Variants in DUT observed in about 807,000 individuals in gnomAD.
DUT encodes deoxyuridine triphosphatase.
A neutral mutation model predicts 28.8 loss-of-function variants in DUT; 21 were observed. The observed-to-expected ratio is 0.73, with a 90% CI of 0.52 to 1.05. The LOEUF (loss-of-function observed/expected upper bound fraction) is 1.05, where lower values mean the gene tolerates loss of function less well. DUT is among the 50% of genes least tolerant of loss of function. The probability of loss-of-function intolerance (pLI) is 0.00; values close to 1 mark genes in which losing one functional copy is unlikely to be tolerated. For synonymous variants in DUT, 147 were observed against 143.7 expected, an observed-to-expected ratio of 1.02 and a Z score of -0.17; for missense variants, 344 against 351.8, an observed-to-expected ratio of 0.98 and a Z score of 0.18.
rs2042412628 is a variant in DUT, at chr15:48,331,717, C to G, written c.202C>G (p.Arg68Gly). The change falls in exon 1 of 7, where the codon CGC becomes GGC. Residue 68 changes from arginine (R) to glycine (G), a missense_variant. Physicochemically the swap from Arg to Gly is moderately radical, Grantham distance 125. Coordinates refer to ENST00000331200, the MANE Select transcript of DUT (RefSeq NM_001025248.2). ...SSAGRLSQGC[R>G]GASTVGAAGW... ...CGCTGGCCGCCTGAGCCAAGGCTGC[C>G]GCGGAGCCAGTACAGTCGGGGCCGC... The G allele has an allele frequency of 6.6e-7, 1 of 1,506,514 alleles. No homozygotes were observed. The highest frequency in any genetic ancestry group is 2.6e-5 in the East Asian group (1 of 37,972). The allele number at this position is 1,506,514 out of a possible 1,614,324, so 93.3% of individuals were successfully genotyped here.
At chr15:48,334,352 CAAAG>C (rs755436547) in intron 2 of DUT, 61 bp from the exon 3 acceptor site, 161 of 1,151,264 alleles carry the variant, frequency 1.4e-4, no homozygotes, top group Non-Finnish European at 1.8e-4. Flanking sequence ...TGCTTGGTCA[CAAAG>C]AAAATATAAA....
intron 2 of DUT, among the ~76,000 whole-genome samples, chr15:48,333,272 G>GA (rs1418369818): frequency 1.3e-5 from 2 of 151,160 alleles, no homozygotes; most frequent in African/African-American, 2.4e-5. Flanking sequence ...GATAGCAACA[G>GA]AAAAAAAAGG....
intron 3 of DUT, 97 bp downstream of exon 3, chr15:48,334,605 G>A (rs2042455122): frequency 1.2e-6 from 1 of 833,280 alleles, no homozygotes; most frequent in Non-Finnish European, 1.9e-6. Flanking sequence ...AATATTGCTT[G>A]GGCTGTGTCC....
chr15:48,336,264 C>A (rs2042474301), intron 4 of DUT, among the ~76,000 whole-genome samples, 174 bp downstream of exon 4: 2 of 152,056 alleles, frequency 1.3e-5, no homozygotes. Context: ...TTTTGTTTAA[C>A]TACTAACTTA....
In DUT at chr15:48,331,807, G is replaced by C. The variant is rs2061631396; in HGVS notation, c.280+12G>C. The C allele has an allele frequency of 7.3e-6, 10 of 1,364,714 alleles. No individual in the cohort carries two copies. In the South Asian group the frequency reaches 1.2e-4, roughly 17 times the overall value. The allele number at this position is 1,364,714 out of a possible 1,614,324, so 84.5% of individuals were successfully genotyped here. On this transcript the variant is annotated intron_variant, in intron 1 of 6. Coordinates refer to ENST00000331200, the MANE Select transcript of DUT (RefSeq NM_001025248.2). ...GGCGCCGGGGCCGGGTAGGAAAGGCGGGGGAGGGGCTCCGGCCGTCTGGAA... is the reference window on the plus strand; with the variant it reads ...GGCGCCGGGGCCGGGTAGGAAAGGCCGGGGAGGGGCTCCGGCCGTCTGGAA...
intron 1 of DUT, chr15:48,332,062 A>G (rs2042419678): frequency 1.7e-6 from 2 of 1,186,802 alleles, no homozygotes; most frequent in Non-Finnish European, 2.2e-6. Flanking sequence ...GCTTTCCGAG[A>G]AGGGCTTCAA....
At chr15:48,336,269 AACTT>A (rs1386421898) in intron 4 of DUT, among the ~76,000 whole-genome samples, 179 bp downstream of exon 4, 1 of 152,286 alleles carries the variant, frequency 6.6e-6, no homozygotes, top group Non-Finnish European at 1.5e-5. Context: ...TTTAACTACT[AACTT>A]AATTTTTAAA....
rs565816303 is a variant in DUT at position 48,343,353 on chromosome 15, A to C, written c.*1275A>C. The stretch of plus-strand genomic sequence containing the variant: ...ATATTTCTGTTGTCAATAAATTTTA[A>C]ATGTTTTCCTGCTAAACTAACCAGA... On this transcript the variant is annotated 3_prime_UTR_variant, in exon 7 of 7. Transcript: ENST00000331200. The C allele has an allele frequency of 6.6e-6, 1 of 152,304 alleles. No homozygotes were observed. The highest frequency in any genetic ancestry group is 2.1e-4 in the South Asian group (1 of 4,824). 9.4% of individuals were successfully genotyped at this position (152,304 alleles called of 1,614,324 possible).
chr15:48,331,737 G>T lies in DUT; in HGVS notation c.222G>T (p.Gly74=), dbSNP rs1455229448. The part of the protein sequence containing the change: ...SQGCRGASTV[G]AAGWKGELPK... ...GCTGCCGCGGAGCCAGTACAGTCGG[G>T]GCCGCTGGCTGGAAGGGCGAGCTTC... The change falls in exon 1 of 7, where the codon GGG becomes GGT. Residue 74 remains glycine (G), a synonymous_variant. Coordinates refer to ENST00000331200, the MANE Select transcript of DUT (RefSeq NM_001025248.2). The T allele has an allele frequency of 1.4e-6, 2 of 1,442,968 alleles. No individual in the cohort carries two copies. Among genetic ancestry groups the T allele is most frequent in the Non-Finnish European group, 1.8e-6 (2 of 1,099,594 alleles). The allele number at this position is 1,442,968 out of a possible 1,614,324, so 89.4% of individuals were successfully genotyped here.
Position 48,332,342 on chromosome 15 carries a change from C to G in DUT, c.355C>G (p.Leu119Val), listed in dbSNP as rs1395551589. Residue 119 changes from leucine to valine, a missense_variant, in exon 2 of 7, where the codon CTC (leucine) becomes GTC (valine). By Grantham distance (32) the Leu-to-Val change is conservative. Transcript: ENST00000331200. ...CGGCATGCAGCTCCGCTTTGCCCGG[C>G]TCTCCGAGCACGCCACGGCCCCCAC... ...VGGMQLRFARLSEHATAPTRG... is the reference protein window; with the variant it reads ...VGGMQLRFARVSEHATAPTRG... 20 of 1,606,544 alleles carry G rather than the reference C, an allele frequency of 1.2e-5. No individual in the cohort carries two copies. The highest frequency in any genetic ancestry group is 2.7e-5 in the African/African-American group (2 of 74,380).
intron 4 of DUT, among the ~76,000 whole-genome samples, chr15:48,339,862 G>A (rs866268202): frequency 6.6e-6 from 1 of 152,134 alleles, no homozygotes; most frequent in Non-Finnish European, 1.5e-5. Flanking sequence ...TCATTTAAAC[G>A]TATGTTGTAA....
chr15:48,332,262 C>T lies in DUT; in HGVS notation c.281-6C>T. ...CCTTCTGGCTCTGCCATGCCCTGCT[C>T]TGAAGAGACACCCGCCATTTCACCC... is the stretch of plus-strand genomic sequence containing the variant. On this transcript the variant is annotated splice_polypyrimidine_tract_variant and splice_region_variant and intron_variant, in intron 1 of 6. Transcript: ENST00000331200. The T allele has an allele frequency of 1.2e-6, 2 of 1,606,904 alleles. No homozygotes were observed. Among genetic ancestry groups the T allele is most frequent in the Non-Finnish European group, 8.5e-7 (1 of 1,177,468 alleles).
chr15:48,331,792 C>A lies in DUT; in HGVS notation c.277C>A (p.Pro93Thr). Residue 93 changes from proline to threonine, a missense_variant, in exon 1 of 7, where the codon CCG (proline) becomes ACG (threonine). Pro to Thr is a conservative substitution (Grantham distance 38). Transcript: ENST00000331200. ...PKAGGSPAPGPETPAISPSKR... is the reference protein window; with the variant it reads ...PKAGGSPAPGTETPAISPSKR... The stretch of plus-strand genomic sequence containing the variant: ...GGCGGGGGGAAGCCCGGCGCCGGGG[C>A]CGGGTAGGAAAGGCGGGGGAGGGGC... 1.5e-6 allele frequency: 2 copies of A among 1,366,262 alleles called. No individual in the cohort carries two copies. The highest frequency in any genetic ancestry group is 1.7e-5 in the South Asian group (1 of 58,226). The allele number at this position is 1,366,262 out of a possible 1,614,324, so 84.6% of individuals were successfully genotyped here. A position where few individuals can be genotyped will look rare whatever the true frequency, so the allele number is the denominator to read the frequency against.
chr15:48,336,646 T>C (rs765474297), intron 4 of DUT, among the ~76,000 whole-genome samples: 3 of 152,216 alleles, frequency 2.0e-5, no homozygotes, highest in Non-Finnish European at 2.9e-5. Flanking sequence ...AAATTTCTAC[T>C]TTCCTGATGT....
chr15:48,331,409 G>A, upstream of DUT: 1 of 1,513,980 alleles, frequency 6.6e-7, no homozygotes, highest in Non-Finnish European at 8.8e-7. Context: ...GGCGGCGGCT[G>A]CGACTGCTTC....
intron 4 of DUT, among the ~76,000 whole-genome samples, chr15:48,336,987 A>G (rs906591419): frequency 6.6e-6 from 1 of 152,094 alleles, no homozygotes; most frequent in Non-Finnish European, 1.5e-5. Context: ...CACCAACTAA[A>G]CACGTCCAGA....
At chr15:48,335,087 AG>A (rs1431477191) in intron 3 of DUT, among the ~76,000 whole-genome samples, 1 of 152,204 alleles carries the variant, frequency 6.6e-6, no homozygotes. Flanking sequence ...ATTAGCCATG[AG>A]TGAGGAAACT....
At chr15:48,332,200 G>A in intron 1 of DUT, 68 bp from the exon 2 acceptor site, 1 of 1,511,496 alleles carries the variant, frequency 6.6e-7, no homozygotes, top group South Asian at 1.3e-5. Context: ...GACGCTCATC[G>A]TGCGCTCTCC....
At chr15:48,331,168 T>G, upstream of DUT, 1 of 1,426,392 alleles carries the variant, frequency 7.0e-7, no homozygotes, top group South Asian at 1.5e-5. Flanking sequence ...CCGGGAGTCA[T>G]GGCTGCGGGC....
Sources: allele counts gnomAD v4.1 joint callset (sites outside exome capture counted in the v4.1 genomes callset), GRCh38; gene constraint gnomAD v4.1.1; transcripts MANE v1.5; gene names NCBI Gene and HGNC (gene_info 2026-07-23, HGNC 2026-07-21).